The following DCC variants were observed in gnomAD, a reference collection of about 807,000 sequenced individuals.
The protein encoded by DCC is DCC netrin 1 receptor.
A neutral mutation model predicts 172.5 loss-of-function variants in DCC; 58 were observed. The observed-to-expected ratio is 0.34, with a 90% CI of 0.27 to 0.42. The LOEUF (loss-of-function observed/expected upper bound fraction) is 0.42, where lower values mean the gene tolerates loss of function less well. DCC is among the 10% of genes least tolerant of loss of function. The pLI, the probability that DCC is intolerant of heterozygous loss-of-function variation, is 1.00. For synonymous variants in DCC, 709 were observed against 644.5 expected (o/e 1.10, Z -1.52); for missense variants, 1,740 against 1,791.0 (o/e 0.97, Z 0.51).
At chr18:52,668,814 A>G (rs1568283303) in intron 1 of DCC, among the ~76,000 whole-genome samples, 2 of 152,204 alleles carry the variant, frequency 1.3e-5, no homozygotes, top group Admixed American at 1.3e-4. Flanking sequence ...GCTTGGTTCA[A>G]ATGAAATATA....
rs147797702 is a variant in DCC at position 52,743,009 on chromosome 18, T to C, written c.92-9045T>C. The stretch of plus-strand genomic sequence containing the variant: ...ATTGGATAAGCAAGGTTATGGACAA[T>C]TATTATGATATATGATTTTATGTCC... On this transcript the variant is annotated intron_variant, in intron 1 of 28. Coordinates refer to ENST00000442544, the MANE Select transcript of DCC (RefSeq NM_005215.4). Among the ~76,000 whole-genome samples the C allele has an allele frequency of 8.9e-3, 1,353 of 152,296 alleles. 8 individuals carry two copies. Among genetic ancestry groups the C allele is most frequent in the Non-Finnish European group, 0.013 (906 of 68,006 alleles).
chr18:53,094,632 C>T (rs1486986006), intron 7 of DCC, among the ~76,000 whole-genome samples: 1 of 152,088 alleles, frequency 6.6e-6, no homozygotes, highest in African/African-American at 2.4e-5. Flanking sequence ...TTTTAGATTA[C>T]TTTATATCTT....
chr18:52,664,712 C>G (rs1415410366), intron 1 of DCC, among the ~76,000 whole-genome samples: 32 of 151,940 alleles, frequency 2.1e-4, no homozygotes, highest in Admixed American at 2.1e-3. Flanking sequence ...ACCTCGTGAT[C>G]CGCCCGCCTC....
intron 1 of DCC, among the ~76,000 whole-genome samples, chr18:52,712,056 G>A (rs917489781): frequency 1.4e-4 from 22 of 152,002 alleles, no homozygotes; most frequent in Admixed American, 1.2e-3. Flanking sequence ...CTGCCTCCTG[G>A]TTCAAGCAAT....
chr18:52,813,773 G>T (rs558630643), intron 2 of DCC, among the ~76,000 whole-genome samples: 1 of 152,296 alleles, frequency 6.6e-6, no homozygotes, highest in Non-Finnish European at 1.5e-5. Context: ...GAACAAAAAG[G>T]CTGAGTCAAT....
intron 12 of DCC, among the ~76,000 whole-genome samples, chr18:53,227,750 G>A (rs1384910711): frequency 6.6e-6 from 1 of 152,158 alleles, no homozygotes; most frequent in East Asian, 1.9e-4. Context: ...AGGGTAAACA[G>A]TAAGAAATTT....
intron 2 of DCC, among the ~76,000 whole-genome samples, chr18:52,794,722 A>G (rs1431374252): frequency 6.6e-6 from 1 of 152,056 alleles, no homozygotes; most frequent in Non-Finnish European, 1.5e-5. Flanking sequence ...TGTTAAAGGA[A>G]AGGCTTTCAA....
At chr18:52,845,232 TAAAG>T (rs1468963421) in intron 2 of DCC, among the ~76,000 whole-genome samples, 2 of 152,168 alleles carry the variant, frequency 1.3e-5, no homozygotes, top group Non-Finnish European at 1.5e-5. Flanking sequence ...CAATACATCT[TAAAG>T]AAGACTGAGC....
At chr18:53,267,667 TC>T (rs1199719371) in intron 12 of DCC, among the ~76,000 whole-genome samples, 1 of 152,088 alleles carries the variant, frequency 6.6e-6, no homozygotes, top group Non-Finnish European at 1.5e-5. Context: ...GGTCACACCA[TC>T]ATGCCCAGGC....
intron 12 of DCC, among the ~76,000 whole-genome samples, chr18:53,250,163 G>A (rs955344909): frequency 6.6e-6 from 1 of 151,852 alleles, no homozygotes; most frequent in East Asian, 1.9e-4. Context: ...CCCTCAAGAA[G>A]TAGCTTTAAG....
chr18:52,797,189 G>C (rs1031572672), intron 2 of DCC, among the ~76,000 whole-genome samples: 2 of 151,794 alleles, frequency 1.3e-5, no homozygotes, highest in Non-Finnish European at 2.9e-5. Context: ...TATTTGTATT[G>C]TTGGTGTTTT....
intron 1 of DCC, among the ~76,000 whole-genome samples, chr18:52,617,834 T>C (rs1437870548): frequency 1.3e-5 from 2 of 152,204 alleles, no homozygotes; most frequent in African/African-American, 4.8e-5. Context: ...TGCTTACTAT[T>C]TGAGGCAGTT....
chr18:52,509,671 C>G (rs956495822), intron 1 of DCC, among the ~76,000 whole-genome samples: 7 of 152,232 alleles, frequency 4.6e-5, no homozygotes, highest in African/African-American at 1.7e-4. Flanking sequence ...CTGTCACATC[C>G]TGCACCCACT....
chr18:53,179,348 T>C (rs912374162), intron 9 of DCC, among the ~76,000 whole-genome samples: 46 of 152,204 alleles, frequency 3.0e-4, no homozygotes, highest in Non-Finnish European at 3.5e-4. Context: ...AGGCCTAATC[T>C]ATCTATGCAG....
chr18:52,776,142 A>G (rs985720972), intron 2 of DCC, among the ~76,000 whole-genome samples: 6 of 152,340 alleles, frequency 3.9e-5, no homozygotes, highest in Middle Eastern at 6.8e-3. Flanking sequence ...TTTGCAACAC[A>G]ACAGAGAAAG....
intron 1 of DCC, among the ~76,000 whole-genome samples, chr18:52,353,688 G>C (rs979470333): frequency 6.6e-6 from 1 of 152,016 alleles, no homozygotes; most frequent in East Asian, 1.9e-4. Context: ...TGCACTGCCT[G>C]GCAGAGAGAG....
chr18:53,086,975 C>T (rs2042922981), intron 7 of DCC, among the ~76,000 whole-genome samples: 2 of 151,840 alleles, frequency 1.3e-5, no homozygotes, highest in Non-Finnish European at 2.9e-5. Flanking sequence ...TGTATATGTG[C>T]CACATTTTCT....
chr18:52,599,189 A>G (rs1033959324), intron 1 of DCC, among the ~76,000 whole-genome samples: 2 of 152,270 alleles, frequency 1.3e-5, no homozygotes, highest in Middle Eastern at 3.4e-3. Flanking sequence ...TATCTGGGAG[A>G]TAGATTTTGA....
intron 7 of DCC, among the ~76,000 whole-genome samples, chr18:53,152,880 C>T (rs16956239): frequency 1.9e-3 from 294 of 152,288 alleles, no homozygotes; most frequent in African/African-American, 6.5e-3. Context: ...TTTAATATAA[C>T]GCCTGTTTAA....
Sources: gnomAD v4.1 joint callset for allele counts (sites outside exome capture counted in the v4.1 genomes callset) on GRCh38, gnomAD v4.1.1 for gene constraint, MANE v1.5 for transcripts, NCBI Gene and HGNC (gene_info 2026-07-23, HGNC 2026-07-21) for gene names.